The following NTM variants were observed in gnomAD, a reference collection of about 807,000 sequenced individuals.
The protein encoded by NTM is IgLON family member 2.
A neutral mutation model predicts 42.1 loss-of-function variants in NTM; 13 were observed. The ratio of observed to expected loss-of-function variants is 0.31; its 90% CI spans 0.20 to 0.49. The LOEUF (loss-of-function observed/expected upper bound fraction) is 0.49, where lower values mean the gene tolerates loss of function less well. NTM is among the 20% of genes least tolerant of loss of function. The pLI is 0.99. For missense variants in NTM, 373 were observed against 452.8 expected, an observed-to-expected ratio of 0.82 and a Z score of 1.60; for synonymous variants, 187 against 179.2, an observed-to-expected ratio of 1.04 and a Z score of -0.35.
At chr11:132,325,243 A>AT (rs1313964875) in intron 7 of NTM, among the ~76,000 whole-genome samples, 1 of 150,420 alleles carries the variant, frequency 6.6e-6, no homozygotes, top group Non-Finnish European at 1.5e-5. Flanking sequence ...AACCTACAAA[A>AT]TGGGAGAAAA....
At chr11:132,256,232 C>T (rs2092457409) in intron 4 of NTM, among the ~76,000 whole-genome samples, 1 of 152,176 alleles carries the variant, frequency 6.6e-6, no homozygotes, top group Admixed American at 6.5e-5. Context: ...TTCCAAATCC[C>T]AGTGTGGTCC....
intron 1 of NTM, among the ~76,000 whole-genome samples, chr11:131,652,127 T>C (rs2066576762): frequency 6.6e-6 from 1 of 152,066 alleles, no homozygotes; most frequent in South Asian, 2.1e-4. Context: ...ATGACAGCCT[T>C]CCCAATATCC....
chr11:131,428,566 C>T (rs867477765), intron 1 of NTM, among the ~76,000 whole-genome samples: 3 of 152,260 alleles, frequency 2.0e-5, no homozygotes, highest in Middle Eastern at 3.4e-3. Context: ...CGACATGCTT[C>T]CCCCTCTTTG....
intron 2 of NTM, among the ~76,000 whole-genome samples, chr11:131,977,396 C>T (rs2134826875): frequency 6.6e-6 from 1 of 152,308 alleles, no homozygotes; most frequent in South Asian, 2.1e-4. Context: ...TCTGCCCATG[C>T]CAAATAGCTC....
At chr11:131,693,540 G>A (rs80203698) in intron 1 of NTM, among the ~76,000 whole-genome samples, 3,802 of 152,294 alleles carry the variant, frequency 0.025, 157 homozygotes, top group African/African-American at 0.086. Context: ...AGGAAATCCA[G>A]CAGCTGCAGG....
At position 131,582,606 on chromosome 11, in the gene NTM, A is replaced by AAT. The variant is rs911342456; in HGVS notation, c.82+211721_82+211722dup. On this transcript the variant is annotated intron_variant, in intron 1 of 8. Coordinates refer to ENST00000683400, the MANE Select transcript of NTM (RefSeq NM_001352005.2). The stretch of plus-strand genomic sequence containing the variant: ...TCCATGTTCTTGCTTAAAAAAAAAA[A>AAT]ATATTATTTACTCCTGCATCGGCAA... Among the ~76,000 whole-genome samples the AAT allele has an allele frequency of 2.6e-4, 39 of 152,006 alleles. No individual in the cohort carries two copies. In the South Asian group the frequency reaches 6.2e-3, roughly 24 times the overall value.
intron 1 of NTM, among the ~76,000 whole-genome samples, chr11:131,486,833 AT>A (rs558728711): frequency 7.2e-5 from 11 of 152,124 alleles, no homozygotes; most frequent in Non-Finnish European, 1.3e-4. Flanking sequence ...GCTCTCAAAG[AT>A]TCTTTTTCCT....
intron 2 of NTM, among the ~76,000 whole-genome samples, chr11:132,103,629 C>T (rs1440695681): frequency 6.6e-6 from 1 of 152,216 alleles, no homozygotes; most frequent in Non-Finnish European, 1.5e-5. Flanking sequence ...CTGCTCTTTC[C>T]TTTCCTGAGA....
At chr11:132,011,917 G>A (rs924932069) in intron 2 of NTM, among the ~76,000 whole-genome samples, 21 of 152,098 alleles carry the variant, frequency 1.4e-4, no homozygotes, top group African/African-American at 4.6e-4. Context: ...CTCTCAGTTT[G>A]GAAGTAATTG....
intron 1 of NTM, among the ~76,000 whole-genome samples, chr11:131,443,369 T>A (rs1455664222): frequency 2.0e-5 from 3 of 152,232 alleles, no homozygotes; most frequent in Non-Finnish European, 4.4e-5. Context: ...TATGGTTGTA[T>A]CATATTTGGA....
intron 2 of NTM, among the ~76,000 whole-genome samples, chr11:132,093,721 C>T (rs569788809): frequency 6.6e-6 from 1 of 152,100 alleles, no homozygotes; most frequent in Admixed American, 6.5e-5. Flanking sequence ...TCTATGTCAC[C>T]AACAGGGTGG....
intron 1 of NTM, among the ~76,000 whole-genome samples, chr11:131,898,305 T>C (rs1012308076): frequency 1.3e-5 from 2 of 152,242 alleles, no homozygotes; most frequent in African/African-American, 2.4e-5. Context: ...TGGGGAAGTA[T>C]GACCAACTGG....
At chr11:132,085,455 G>A (rs2059585434) in intron 2 of NTM, among the ~76,000 whole-genome samples, 2 of 152,300 alleles carry the variant, frequency 1.3e-5, no homozygotes, top group South Asian at 2.1e-4. Context: ...AGCTAAAGAA[G>A]CAGTTTATAA....
chr11:131,387,869 G>A (rs1943517849), intron 1 of NTM, among the ~76,000 whole-genome samples: 1 of 55,504 alleles, frequency 1.8e-5, no homozygotes, highest in African/African-American at 4.0e-5. Flanking sequence ...TTTATAATTA[G>A]CCTTCCTGGG....
intron 1 of NTM, among the ~76,000 whole-genome samples, chr11:131,422,841 T>C (rs187767713): frequency 1.3e-5 from 2 of 152,344 alleles, no homozygotes; most frequent in Admixed American, 1.3e-4. Context: ...AAATTTTAAA[T>C]AGTTGTTGAA....
intron 1 of NTM, among the ~76,000 whole-genome samples, chr11:131,830,427 C>A (rs1403780036): frequency 2.0e-5 from 3 of 152,164 alleles, no homozygotes; most frequent in Non-Finnish European, 4.4e-5. Flanking sequence ...ATAGTGAGTC[C>A]TTTCCCCATT....
chr11:131,964,921 G>C lies in NTM; in HGVS notation c.167+53273G>C, dbSNP rs185302585. Among the ~76,000 whole-genome samples, 6 of 152,290 alleles carry C rather than the reference G, an allele frequency of 3.9e-5. No homozygotes were observed. In the East Asian group the frequency reaches 7.7e-4, roughly 20 times the overall value. On this transcript the variant is annotated intron_variant, in intron 2 of 8. Coordinates refer to ENST00000683400, the MANE Select transcript of NTM (RefSeq NM_001352005.2). ...TTACTCTTGTTGACCTTAACCTTCA[G>C]AGGCACTCGGGCATTACCAAGAGAT...
chr11:132,236,531 A>G (rs2088945783), intron 4 of NTM, among the ~76,000 whole-genome samples: 1 of 152,186 alleles, frequency 6.6e-6, no homozygotes, highest in African/African-American at 2.4e-5. Flanking sequence ...TGTAGGCATA[A>G]TGGAGCACTC....
intron 2 of NTM, among the ~76,000 whole-genome samples, chr11:131,953,437 T>A (rs190912505): frequency 6.6e-6 from 1 of 152,258 alleles, no homozygotes; most frequent in East Asian, 1.9e-4. Flanking sequence ...ACAGTTAATA[T>A]TGAGAACAGA....
Sources: gnomAD v4.1 joint callset for allele counts (sites outside exome capture counted in the v4.1 genomes callset) on GRCh38, gnomAD v4.1.1 for gene constraint, MANE v1.5 for transcripts, NCBI Gene and HGNC (gene_info 2026-07-23, HGNC 2026-07-21) for gene names.